The following MED16 variants were observed in gnomAD, a reference collection of about 807,000 sequenced individuals.
The protein encoded by MED16 is mediator complex subunit 16.
MED16 carries 81 observed loss-of-function variants against 84.4 expected under a neutral mutation model. The ratio of observed to expected loss-of-function variants is 0.96; its 90% CI spans 0.80 to 1.15. The LOEUF is 1.15. MED16 is among the 50% of genes most tolerant of loss of function. The pLI is 0.00. For missense variants in MED16, 1,585 were observed against 1,245.9 expected (o/e 1.27, Z -4.10); for synonymous variants, 897 against 552.2 (o/e 1.62, Z -8.76).
At chr19:882,949 C>A (rs141690525) in intron 6 of MED16, among the ~76,000 whole-genome samples, 9 of 152,330 alleles carry the variant, frequency 5.9e-5, no homozygotes, top group African/African-American at 1.9e-4. Flanking sequence ...GCCCAGAGGG[C>A]ACACAGTGGT....
chr19:871,137 C>T lies in MED16; in HGVS notation c.2215G>A (p.Val739Ile), dbSNP rs1321338638. Reference sequence around the variant, plus strand: ...GGCTGCTTGGGCTGCAGGCGGCTAACCAGGCCGTCGCTGGCTGGCAGCCAG... The same window carrying T: ...GGCTGCTTGGGCTGCAGGCGGCTAATCAGGCCGTCGCTGGCTGGCAGCCAG... Reference protein sequence around the residue: ...LDWLPASDGLVSRLQPKQPLR... With the variant: ...LDWLPASDGLISRLQPKQPLR... The change falls in exon 13 of 16, where the codon GTT becomes ATT. Residue 739 changes from valine to isoleucine, a missense_variant. By Grantham distance (29) the Val-to-Ile change is conservative. Coordinates refer to ENST00000325464, the MANE Select transcript of MED16 (RefSeq NM_005481.3). The T allele has an allele frequency of 5.8e-6, 9 of 1,548,310 alleles. 1 individual carries two copies. In the South Asian group the frequency reaches 9.5e-5, roughly 16 times the overall value.
rs1310722485 is a variant in MED16 at position 877,233 on chromosome 19, G to A, written c.1354-53C>T. The A allele has an allele frequency of 5.2e-6, 8 of 1,540,982 alleles. 1 individual carries two copies. The South Asian group carries it at 8.2e-5, about 16-fold the overall frequency. On this transcript the variant is annotated intron_variant, in intron 8 of 15. Transcript: ENST00000325464. ...CCGGTGAGATGGGGCTGCGCCCTCA[G>A]CCGGGAGAGGAATGGGGCCCTGGGG...
chr19:872,743 GCC>G (rs2036111881), intron 11 of MED16, among the ~76,000 whole-genome samples: 1 of 151,672 alleles, frequency 6.6e-6, no homozygotes. Context: ...TGATTTCAAG[GCC>G]GCCCACCCCA....
intron 2 of MED16, 145 bp from the exon 3 acceptor site, chr19:890,389 G>A (rs1276563877): frequency 1.7e-6 from 1 of 580,778 alleles, no homozygotes; most frequent in East Asian, 2.9e-5. Flanking sequence ...GACAGCTCAG[G>A]GAACAGGCTG....
rs527854029 is a variant in MED16, at chr19:889,470, A to G, written c.447+168T>C. Among the ~76,000 whole-genome samples the G allele has an allele frequency of 1.8e-4, 28 of 152,100 alleles. No individual in the cohort carries two copies. In the South Asian group the frequency reaches 5.6e-3, roughly 30 times the overall value. On this transcript the variant is annotated intron_variant, in intron 4 of 15. Transcript: ENST00000325464. Reference sequence around the variant, plus strand: ...GAACAGCCACCCTCAGTTAAATGAGAGGCCACTGAACACACAGGTGCTAAT... The same window carrying G: ...GAACAGCCACCCTCAGTTAAATGAGGGGCCACTGAACACACAGGTGCTAAT...
chr19:891,284 CAG>C, intron 1 of MED16, 135 bp from the exon 2 acceptor site: 4 of 861,516 alleles, frequency 4.6e-6, no homozygotes, highest in South Asian at 1.7e-5. Context: ...GGAGGCCAGA[CAG>C]AGCCTGGGGC....
Position 871,235 on chromosome 19 carries a change from G to A in MED16, c.2117C>T (p.Ala706Val), listed in dbSNP as rs967218806. The A allele has an allele frequency of 4.0e-5, 62 of 1,539,834 alleles. No individual in the cohort carries two copies. Among genetic ancestry groups the A allele is most frequent in the Admixed American group, 9.8e-5 (5 of 51,088 alleles). Reference protein sequence around the residue: ...LWICCRDEGPASEPDEALVDE... With the variant: ...LWICCRDEGPVSEPDEALVDE... ...CACCAGCGCCTCGTCCGGCTCGCTC[G>A]CTGGGCCCTCATCGCGACCTGCGGA... The change falls in exon 13 of 16, where the codon GCG becomes GTG. Residue 706 changes from alanine (A) to valine (V), a missense_variant. By Grantham distance (64) the Ala-to-Val change is moderately conservative. Transcript: ENST00000325464.
intron 7 of MED16, 73 bp downstream of exon 7, chr19:881,486 T>TG (rs368236739): frequency 4.1e-5 from 62 of 1,523,806 alleles, no homozygotes; most frequent in African/African-American, 3.6e-4. Flanking sequence ...CACGACCCCG[T>TG]GGCCTGTGCT....
At chr19:880,763 T>C (rs1296349054) in intron 7 of MED16, among the ~76,000 whole-genome samples, 1 of 151,412 alleles carries the variant, frequency 6.6e-6, no homozygotes, top group Non-Finnish European at 1.5e-5. Context: ...TCTACTAAAA[T>C]ACAAAAAATT....
At chr19:881,983 G>A (rs1490090962) in intron 6 of MED16, among the ~76,000 whole-genome samples, 4 of 152,250 alleles carry the variant, frequency 2.6e-5, no homozygotes, top group African/African-American at 9.6e-5. Context: ...CACCCCCGAT[G>A]GGGCAGACAG....
At chr19:885,534 G>GGC (rs2036507920) in intron 5 of MED16, among the ~76,000 whole-genome samples, 1 of 152,154 alleles carries the variant, frequency 6.6e-6, no homozygotes, top group Admixed American at 6.5e-5. Context: ...GACAGGAAGA[G>GGC]GCTGCGCTGT....
chr19:871,711 C>A (rs749514247), intron 12 of MED16: 2 of 1,205,692 alleles, frequency 1.7e-6, no homozygotes, highest in Non-Finnish European at 2.3e-6. Context: ...CCTGCAGGGG[C>A]TTATGTTCTG....
chr19:875,283 C>A lies in MED16; in HGVS notation c.1732G>T (p.Asp578Tyr), dbSNP rs766224197. 1 of 1,544,934 alleles carries A rather than the reference C, an allele frequency of 6.5e-7. No individual in the cohort carries two copies. The highest frequency in any genetic ancestry group is 8.7e-7 in the Non-Finnish European group (1 of 1,148,622). The stretch of plus-strand genomic sequence containing the variant: ...TTGGTGCAGATCTCGGTCAGCCGGT[C>A]GCCGGGGCTCTTGTCAGGCGTGTTG... Reference protein sequence around the residue: ...FLNTPDKSPGDRLTEICTKIT... With the variant: ...FLNTPDKSPGYRLTEICTKIT... Residue 578 changes from aspartate (D) to tyrosine (Y), a missense_variant, in exon 10 of 16, where the codon GAC (aspartate) becomes TAC (tyrosine). Asp to Tyr is a radical substitution (Grantham distance 160). Coordinates refer to ENST00000325464, the MANE Select transcript of MED16 (RefSeq NM_005481.3).
At chr19:869,051 C>A in intron 13 of MED16, 105 bp from the exon 14 acceptor site, 1 of 978,368 alleles carries the variant, frequency 1.0e-6, no homozygotes, top group Non-Finnish European at 1.5e-6. Flanking sequence ...GCCGGCCTCA[C>A]ACCATCTGCC....
chr19:881,672 G>T lies in MED16; in HGVS notation c.1028C>A (p.Ser343Ter), dbSNP rs763497108. Residue 343 changes from serine (S) to a stop codon, truncating the protein, a stop_gained, in exon 7 of 16, where the codon TCG becomes TAG. Coordinates refer to ENST00000325464, the MANE Select transcript of MED16 (RefSeq NM_005481.3). LOFTEE classifies it high-confidence loss of function. ...CACACGGTCCAGATCGTTGGTGGCC[G>T]ATAGGATCCGCCATTTGAGAATTGT... Reference protein sequence around the residue: ...QPTILKWRILSATNDLDRVSA... With the variant: ...QPTILKWRIL The T allele has an allele frequency of 1.9e-6, 3 of 1,612,438 alleles. No homozygotes were observed. Among genetic ancestry groups the T allele is most frequent in the Non-Finnish European group, 2.5e-6 (3 of 1,179,696 alleles).
chr19:875,704 A>AT (rs2036214789), intron 9 of MED16, among the ~76,000 whole-genome samples: 1 of 152,090 alleles, frequency 6.6e-6, no homozygotes, highest in Non-Finnish European at 1.5e-5. Context: ...GTCTGGAGAT[A>AT]TTTTTAGTTG....
Position 868,387 on chromosome 19 carries a change from G to A in MED16, c.2483+29C>T, listed in dbSNP as rs771853184. ...GGCAGCTGGGCTCAGGGGTAGCTGA[G>A]GGGCACCCGCCACCAGAGCCCACCG... On this transcript the variant is annotated intron_variant, in intron 15 of 15. Coordinates refer to ENST00000325464, the MANE Select transcript of MED16 (RefSeq NM_005481.3). 5 of 1,606,134 alleles carry A rather than the reference G, an allele frequency of 3.1e-6. No homozygotes were observed. In the East Asian group the frequency reaches 6.7e-5, roughly 22 times the overall value.
At chr19:870,994 G>A (rs377739246) in intron 13 of MED16, 43 bp downstream of exon 13, 10 of 1,502,532 alleles carry the variant, frequency 6.7e-6, no homozygotes, top group East Asian at 2.5e-5. Context: ...GGACACGGAG[G>A]AAGGAGTCCT....
chr19:888,407 C>T (rs1199320706), intron 4 of MED16, among the ~76,000 whole-genome samples: 1 of 151,390 alleles, frequency 6.6e-6, no homozygotes, highest in Non-Finnish European at 1.5e-5. Context: ...GCCTGTAATC[C>T]CAGCTACTCA....
Sources: gnomAD v4.1 joint callset for allele counts (sites outside exome capture counted in the v4.1 genomes callset) on GRCh38, gnomAD v4.1.1 for gene constraint, MANE v1.5 for transcripts, NCBI Gene and HGNC (gene_info 2026-07-23, HGNC 2026-07-21) for gene names.